The following VPS13B variants were observed in gnomAD, a reference collection of about 807,000 sequenced individuals.
VPS13B encodes intermembrane lipid transfer protein VPS13B.
A neutral mutation model predicts 426.4 loss-of-function variants in VPS13B; 285 were observed. The ratio of observed to expected loss-of-function variants is 0.67; its 90% CI spans 0.61 to 0.74. The LOEUF (loss-of-function observed/expected upper bound fraction) is 0.74, where lower values mean the gene tolerates loss of function less well. Ranked by LOEUF, VPS13B falls within the 30% of genes least tolerant of loss-of-function variation. The pLI is 0.00. For missense variants in VPS13B, 4,537 were observed against 4,782.6 expected, an observed-to-expected ratio of 0.95 and a Z score of 1.51; for synonymous variants, 1,676 against 1,676.4, an observed-to-expected ratio of 1.00 and a Z score of 0.01.
At chr8:99,639,529 T>C (rs1829215068) in intron 33 of VPS13B, among the ~76,000 whole-genome samples, 1 of 151,998 alleles carries the variant, frequency 6.6e-6, no homozygotes, top group Non-Finnish European at 1.5e-5. Context: ...TGTGACTTTC[T>C]CAACAACTAT....
chr8:99,507,077 T>C, intron 27 of VPS13B, 60 bp from the exon 28 acceptor site: 2 of 1,583,262 alleles, frequency 1.3e-6, no homozygotes, highest in Non-Finnish European at 1.7e-6. Flanking sequence ...GTTATGTATG[T>C]TCAATTTCTT....
intron 23 of VPS13B, among the ~76,000 whole-genome samples, chr8:99,452,435 C>T (rs1818243813): frequency 6.6e-6 from 1 of 152,100 alleles, no homozygotes; most frequent in African/African-American, 2.4e-5. Context: ...GGAGCCATAC[C>T]TCTCTTGCTC....
intron 21 of VPS13B, among the ~76,000 whole-genome samples, chr8:99,394,404 A>G (rs1001570964): frequency 1.3e-5 from 2 of 152,156 alleles, no homozygotes; most frequent in Non-Finnish European, 2.9e-5. Context: ...AACTCAGCCA[A>G]TGTTAAGTGG....
At chr8:99,266,577 G>C (rs1040828430) in intron 17 of VPS13B, among the ~76,000 whole-genome samples, 2 of 152,094 alleles carry the variant, frequency 1.3e-5, no homozygotes, top group African/African-American at 2.4e-5. Context: ...CACATGTCAC[G>C]GGAGATACCT....
At chr8:99,599,918 A>C (rs909263298) in intron 33 of VPS13B, among the ~76,000 whole-genome samples, 1 of 152,168 alleles carries the variant, frequency 6.6e-6, no homozygotes, top group Non-Finnish European at 1.5e-5. Context: ...GAGACAAAAA[A>C]TACACTGGGG....
chr8:99,405,840 G>A (rs147577447), intron 21 of VPS13B, among the ~76,000 whole-genome samples: 2,138 of 150,064 alleles, frequency 0.014, 59 homozygotes, highest in African/African-American at 0.05. Context: ...GTGTAGTGGC[G>A]TGATCTTGGC....
intron 12 of VPS13B, among the ~76,000 whole-genome samples, 165 bp from the exon 13 acceptor site, chr8:99,142,809 A>T (rs1810503086): frequency 6.6e-6 from 1 of 152,250 alleles, no homozygotes; most frequent in African/African-American, 2.4e-5. Flanking sequence ...AATTTATTAT[A>T]TGCACAGAGA....
chr8:99,085,763 C>G (rs548124002), intron 3 of VPS13B, among the ~76,000 whole-genome samples: 14 of 152,250 alleles, frequency 9.2e-5, no homozygotes, highest in African/African-American at 2.6e-4. Context: ...TCTTTAAGAA[C>G]GTTGAATATT....
In VPS13B at chr8:99,360,176, TTCTTTCTTTCTTTCTCTC is replaced by T. The variant is rs1349040370; in HGVS notation, c.2825-24028_2825-24011del. 3.1e-3 allele frequency among the ~76,000 whole-genome samples: 132 copies of T among 42,204 alleles called. 2 individuals are homozygous for T. The highest frequency in any genetic ancestry group is 0.011 in the African/African-American group (97 of 8,682). 27.7% of individuals were successfully genotyped at this position (42,204 alleles called of 152,430 possible). A position where few individuals can be genotyped will look rare whatever the true frequency, so the allele number is the denominator to read the frequency against. On this transcript the variant is annotated intron_variant, in intron 19 of 61. Coordinates refer to ENST00000357162, the MANE Select transcript of VPS13B (RefSeq NM_152564.5). Reference sequence around the variant, plus strand: ...TTTCTTTCTTTCTTTCTTTCTTTCTTTCTTTCTTTCTTTCTCTCTCTCTCTCTCTCTCTCTTTCTTTCT... The same window carrying T: ...TTTCTTTCTTTCTTTCTTTCTTTCTTTCTCTCTCTCTCTCTCTTTCTTTCT...
intron 19 of VPS13B, among the ~76,000 whole-genome samples, chr8:99,283,176 A>G (rs557190870): frequency 6.6e-6 from 1 of 152,332 alleles, no homozygotes; most frequent in East Asian, 1.9e-4. Context: ...TGTAGAAATA[A>G]GTGAATTGCC....
At chr8:99,349,755 G>A (rs1811769876) in intron 19 of VPS13B, among the ~76,000 whole-genome samples, 1 of 152,070 alleles carries the variant, frequency 6.6e-6, no homozygotes, top group South Asian at 2.1e-4. Context: ...TATTAATGGT[G>A]GCTGTTTCTG....
intron 17 of VPS13B, among the ~76,000 whole-genome samples, chr8:99,247,247 T>C (rs1355445292): frequency 1.3e-5 from 2 of 152,242 alleles, no homozygotes; most frequent in Non-Finnish European, 2.9e-5. Flanking sequence ...GTCATCATTT[T>C]ATAATTATAG....
Position 99,835,523 on chromosome 8 carries a change from T to G in VPS13B, c.9743-16T>G. On this transcript the variant is annotated splice_polypyrimidine_tract_variant and intron_variant, in intron 53 of 61. Coordinates refer to ENST00000357162, the MANE Select transcript of VPS13B (RefSeq NM_152564.5). Reference sequence around the variant, plus strand: ...TTTAAGGGCTAATTCTGCATATGCCTTTTTTAAAATTTCAGATATTCCAAA... The same window carrying G: ...TTTAAGGGCTAATTCTGCATATGCCGTTTTTAAAATTTCAGATATTCCAAA... 6.2e-7 allele frequency: 1 copy of G among 1,612,978 alleles called. No homozygotes were observed. The highest frequency in any genetic ancestry group is 8.5e-7 in the Non-Finnish European group (1 of 1,179,148).
chr8:99,537,338 G>GCC (rs1436222216), intron 30 of VPS13B, among the ~76,000 whole-genome samples: 1 of 152,140 alleles, frequency 6.6e-6, no homozygotes, highest in African/African-American at 2.4e-5. Context: ...CTATGGTGAT[G>GCC]TAGGTCAAAA....
At chr8:99,565,967 A>AC (rs1185007533) in intron 31 of VPS13B, among the ~76,000 whole-genome samples, 1 of 152,118 alleles carries the variant, frequency 6.6e-6, no homozygotes, top group Non-Finnish European at 1.5e-5. Context: ...ATTTCCTTAA[A>AC]CCTTACCATG....
chr8:99,777,081 G>T, intron 41 of VPS13B, 125 bp downstream of exon 41: 1 of 1,230,546 alleles, frequency 8.1e-7, no homozygotes, highest in African/African-American at 1.5e-5. Flanking sequence ...GCGAGCAGTG[G>T]CAAAGTTATC....
Position 99,134,076 on chromosome 8 carries a change from C to T in VPS13B, c.1207-556C>T, listed in dbSNP as rs534789013. 3.6e-3 allele frequency among the ~76,000 whole-genome samples: 548 copies of T among 152,236 alleles called. 1 individual carries two copies. The highest frequency in any genetic ancestry group is 6.2e-3 in the Non-Finnish European group (420 of 68,006). ...CCCTACTTCTTATCTAGCTGGCTTT[C>T]AATAAGTATTTGTTGCATGATTGAA... is the stretch of plus-strand genomic sequence containing the variant. On this transcript the variant is annotated intron_variant, in intron 8 of 61. Transcript: ENST00000357162.
chr8:99,306,830 G>A lies in VPS13B; in HGVS notation c.2824+31576G>A, dbSNP rs149457523. Among the ~76,000 whole-genome samples the A allele has an allele frequency of 2.9e-3, 435 of 152,162 alleles. 3 individuals are homozygous for A. The highest frequency in any genetic ancestry group is 1.0e-2 in the African/African-American group (415 of 41,548). ...TACTAAAAAATTTATGAAGTGGGATGATAGTGAATTACAGAAGAGTCATCA... is the reference window on the plus strand; with the variant it reads ...TACTAAAAAATTTATGAAGTGGGATAATAGTGAATTACAGAAGAGTCATCA... On this transcript the variant is annotated intron_variant, in intron 19 of 61. Transcript: ENST00000357162.
chr8:99,606,345 G>T (rs893603136), intron 33 of VPS13B, among the ~76,000 whole-genome samples: 5 of 151,916 alleles, frequency 3.3e-5, no homozygotes, highest in African/African-American at 1.2e-4. Flanking sequence ...TTATCTTTCA[G>T]TTCTTTCAGC....
Sources: gnomAD v4.1 joint callset for allele counts (sites outside exome capture counted in the v4.1 genomes callset) on GRCh38, gnomAD v4.1.1 for gene constraint, MANE v1.5 for transcripts, NCBI Gene and HGNC (gene_info 2026-07-23, HGNC 2026-07-21) for gene names.